Variants in SLC35D4 observed in about 807,000 individuals in gnomAD.
SLC35D4 encodes solute carrier family 35 member D4, also known as UDP-N-acetylglucosamine transporter SLC35D4.
the SLC35D4 span, among the ~76,000 whole-genome samples, chr18:23,333,199 A>G: frequency 6.6e-6 from 1 of 152,228 alleles, no homozygotes; most frequent in Non-Finnish European, 1.5e-5. Context: ...AATAATAAAC[A>G]TGGCTGACTT....
the SLC35D4 span, among the ~76,000 whole-genome samples, chr18:23,268,564 G>C: frequency 1.3e-5 from 2 of 152,022 alleles, no homozygotes; most frequent in African/African-American, 2.4e-5. Flanking sequence ...AGCCATCCAA[G>C]TGTTGAGGGG....
At chr18:23,346,782 T>C in the SLC35D4 span, among the ~76,000 whole-genome samples, 1 of 152,238 alleles carries the variant, frequency 6.6e-6, no homozygotes, top group East Asian at 1.9e-4. Flanking sequence ...GAAATGATCA[T>C]GTATTTTTGT....
chr18:23,335,645 C>T, the SLC35D4 span, among the ~76,000 whole-genome samples: 1 of 152,098 alleles, frequency 6.6e-6, no homozygotes, highest in Non-Finnish European at 1.5e-5. Context: ...TGCAGAATTC[C>T]ACCTTTCTCT....
the SLC35D4 span, among the ~76,000 whole-genome samples, chr18:23,418,297 T>C: frequency 4.0e-5 from 6 of 151,202 alleles, no homozygotes; most frequent in Admixed American, 6.6e-5. Flanking sequence ...TTCATAAAAC[T>C]TCTTAATACT....
At chr18:23,409,929 A>G in the SLC35D4 span, among the ~76,000 whole-genome samples, 1 of 152,094 alleles carries the variant, frequency 6.6e-6, no homozygotes, top group African/African-American at 2.4e-5. Context: ...TCTAAACAAT[A>G]CAGCGTAACT....
At chr18:23,413,457 C>T in the SLC35D4 span, among the ~76,000 whole-genome samples, 4,042 of 152,248 alleles carry the variant, frequency 0.027, 59 homozygotes, top group Middle Eastern at 0.062. Context: ...TTGACCCTGC[C>T]GCAGTGTTAG....
the SLC35D4 span, among the ~76,000 whole-genome samples, chr18:23,360,970 C>T: frequency 8.6e-5 from 13 of 151,500 alleles, no homozygotes; most frequent in African/African-American, 2.2e-4. Context: ...GGCGTGGTGG[C>T]GGGCACTTGT....
chr18:23,276,623 A>T, the SLC35D4 span, among the ~76,000 whole-genome samples: 2 of 152,028 alleles, frequency 1.3e-5, no homozygotes, highest in African/African-American at 4.8e-5. Context: ...GCTCAGTCCC[A>T]CCCATATGCA....
chr18:23,266,825 A>G, the SLC35D4 span, among the ~76,000 whole-genome samples: 1 of 152,320 alleles, frequency 6.6e-6, no homozygotes, highest in East Asian at 1.9e-4. Context: ...GAGCCCCCTC[A>G]GCGGCACCCG....
chr18:23,299,950 T>C, the SLC35D4 span, among the ~76,000 whole-genome samples: 1 of 152,194 alleles, frequency 6.6e-6, no homozygotes, highest in Non-Finnish European at 1.5e-5. Context: ...AGAATGTAGC[T>C]GTTACGAATG....
the SLC35D4 span, among the ~76,000 whole-genome samples, chr18:23,349,627 T>C: frequency 6.6e-6 from 1 of 152,236 alleles, no homozygotes; most frequent in Non-Finnish European, 1.5e-5. Context: ...CGAGACTACG[T>C]CTCAAAAAAC....
chr18:23,435,230 A>C, the SLC35D4 span, among the ~76,000 whole-genome samples: 3 of 128,660 alleles, frequency 2.3e-5, no homozygotes, highest in Admixed American at 1.8e-4. Flanking sequence ...ATTTCTATGA[A>C]CTAAATGCTA....
At chr18:23,330,176 C>T in the SLC35D4 span, among the ~76,000 whole-genome samples, 2 of 151,880 alleles carry the variant, frequency 1.3e-5, no homozygotes, top group Non-Finnish European at 2.9e-5. Flanking sequence ...CGCACATGTA[C>T]CCTAGAACCT....
At chr18:23,257,316 G>C in the SLC35D4 span, 2 of 1,613,920 alleles carry the variant, frequency 1.2e-6, no homozygotes, top group Non-Finnish European at 8.5e-7. Context: ...CCCTCCACTT[G>C]CCCGAGCACG....
the SLC35D4 span, among the ~76,000 whole-genome samples, chr18:23,299,630 G>A: frequency 1.3e-5 from 2 of 152,196 alleles, no homozygotes. Flanking sequence ...GGCCAAAGCT[G>A]CTCTCCGGAG....
At chr18:23,310,958 C>A in the SLC35D4 span, among the ~76,000 whole-genome samples, 6 of 152,038 alleles carry the variant, frequency 3.9e-5, no homozygotes, top group Non-Finnish European at 2.9e-5. Context: ...AAGTAGAAGC[C>A]CAGCCAGACA....
the SLC35D4 span, among the ~76,000 whole-genome samples, chr18:23,276,181 G>A: frequency 5.3e-5 from 8 of 151,718 alleles, no homozygotes; most frequent in East Asian, 5.8e-4. Context: ...TCCGCCTCCC[G>A]GGTTCACGCC....
At chr18:23,299,235 T>C in the SLC35D4 span, among the ~76,000 whole-genome samples, 1 of 152,238 alleles carries the variant, frequency 6.6e-6, no homozygotes, top group Non-Finnish European at 1.5e-5. Context: ...ACAGTCTCTG[T>C]GAGGCTTAGA....
At chr18:23,313,982 G>C in the SLC35D4 span, among the ~76,000 whole-genome samples, 1 of 152,202 alleles carries the variant, frequency 6.6e-6, no homozygotes, top group South Asian at 2.1e-4. Flanking sequence ...ACGCCCCACA[G>C]AACTAGGACT....
Sources: gnomAD v4.1 joint callset for allele counts (sites outside exome capture counted in the v4.1 genomes callset) on GRCh38, gnomAD v4.1.1 for gene constraint, MANE v1.5 for transcripts, NCBI Gene and HGNC (gene_info 2026-07-23, HGNC 2026-07-21) for gene names.